The following CRHR2 variants were observed in gnomAD, a reference collection of about 807,000 sequenced individuals.
The protein encoded by CRHR2 is corticotropin-releasing hormone receptor 2.
In CRHR2, 53 loss-of-function variants were observed where a neutral mutation model predicts 57.9. That is an observed-to-expected ratio of 0.92 (90% confidence interval 0.73 to 1.15). The LOEUF (loss-of-function observed/expected upper bound fraction) is 1.15, where lower values mean the gene tolerates loss of function less well. Among genes scored for constraint, CRHR2 ranks in the 50% most tolerant of loss-of-function variants. The probability of loss-of-function intolerance (pLI) is 0.00; values close to 1 mark genes in which losing one functional copy is unlikely to be tolerated. For synonymous variants in CRHR2, 213 were observed against 220.9 expected (o/e 0.96, Z 0.32); for missense variants, 532 against 542.6 (o/e 0.98, Z 0.19).
chr7:30,658,848 AAGTG>A (rs1362391945), intron 8 of CRHR2, among the ~76,000 whole-genome samples: 1 of 152,214 alleles, frequency 6.6e-6, no homozygotes, highest in Non-Finnish European at 1.5e-5. Context: ...AACCAGAAAT[AAGTG>A]AGTGTCTCTT....
At chr7:30,678,724 A>G (rs971045751) in intron 2 of CRHR2, among the ~76,000 whole-genome samples, 1 of 152,080 alleles carries the variant, frequency 6.6e-6, no homozygotes, top group Admixed American at 6.5e-5. Context: ...CTCAAAGTCA[A>G]CACATCCCCA....
At chr7:30,667,105 G>A (rs1188888793) in intron 3 of CRHR2, 123 bp downstream of exon 3, 2 of 797,954 alleles carry the variant, frequency 2.5e-6, no homozygotes, top group Non-Finnish European at 2.1e-6. Flanking sequence ...AGGGGCAGGA[G>A]GTACAGAAGG....
upstream of CRHR2, chr7:30,682,586 G>C (rs1223741052): frequency 3.8e-6 from 4 of 1,042,248 alleles, no homozygotes; most frequent in East Asian, 1.0e-4. Context: ...TCCAGCCCCC[G>C]GGCCCTCCAC....
chr7:30,686,809 G>A (rs1784865505), upstream of CRHR2, among the ~76,000 whole-genome samples: 2 of 152,150 alleles, frequency 1.3e-5, no homozygotes, highest in Non-Finnish European at 2.9e-5. Context: ...GATTTTGCAT[G>A]CGTTGCCTTT....
intron 2 of CRHR2, among the ~76,000 whole-genome samples, chr7:30,679,975 T>G (rs1356055906): frequency 2.6e-5 from 4 of 152,216 alleles, no homozygotes; most frequent in Non-Finnish European, 5.9e-5. Context: ...CAGGCAGCAC[T>G]TTGGTCTAAA....
In CRHR2 at chr7:30,652,841, C is replaced by T. The variant is rs1458410812; in HGVS notation, c.*619G>A. 6.6e-6 allele frequency: 1 copy of T among 152,380 alleles called. No individual in the cohort carries two copies. The highest frequency in any genetic ancestry group is 1.5e-5 in the Non-Finnish European group (1 of 68,162). The allele number at this position is 152,380 out of a possible 1,614,324, so 9.4% of individuals were successfully genotyped here. ...TGGACTAGGCAGAGAAGGGGTCTCC[C>T]AAGAGAGGAAGCCAGGCCTGGAAGC... On this transcript the variant is annotated 3_prime_UTR_variant, in exon 12 of 12. Coordinates refer to ENST00000471646, the MANE Select transcript of CRHR2 (RefSeq NM_001883.5). The surrounding 1 kb of genome is among the most constrained non-coding windows in gnomAD (Gnocchi z 4.4).
rs1385069982 is a variant in CRHR2, at chr7:30,652,588, GA to G, written c.*871del. The G allele has an allele frequency of 6.6e-6, 1 of 152,334 alleles. No homozygotes were observed. Among genetic ancestry groups the G allele is most frequent in the African/African-American group, 2.4e-5 (1 of 41,464 alleles). 9.4% of individuals were successfully genotyped at this position (152,334 alleles called of 1,614,324 possible). ...TGACCTGAGGGGAGGCCACTTCCAAGAGGCATGGTTTATTTCACAGAGAGCA... is the reference window on the plus strand; with the variant it reads ...TGACCTGAGGGGAGGCCACTTCCAAGGGCATGGTTTATTTCACAGAGAGCA... On this transcript the variant is annotated 3_prime_UTR_variant, in exon 12 of 12. Coordinates refer to ENST00000471646, the MANE Select transcript of CRHR2 (RefSeq NM_001883.5). This position sits in a 1 kb window ranked among gnomAD's most constrained non-coding sequence, Gnocchi z 4.4.
intron 6 of CRHR2, 88 bp from the exon 7 acceptor site, chr7:30,662,304 G>C: frequency 6.8e-7 from 1 of 1,479,164 alleles, no homozygotes; most frequent in Admixed American, 1.7e-5. Flanking sequence ...AACAGGGCTA[G>C]GATCATGTTT....
chr7:30,696,464 G>A (rs1330164089), intron 1 of CRHR2, among the ~76,000 whole-genome samples: 1 of 152,186 alleles, frequency 6.6e-6, no homozygotes, highest in East Asian at 1.9e-4. Context: ...GTTCACACCT[G>A]TAATCCCAGC....
chr7:30,654,968 A>C (rs1445244859), intron 11 of CRHR2, 71 bp downstream of exon 11: 3 of 1,584,738 alleles, frequency 1.9e-6, no homozygotes, highest in Non-Finnish European at 2.6e-6. Flanking sequence ...GGGCAGCACC[A>C]ATGGAGCTGC....
At chr7:30,660,543 GC>G in intron 8 of CRHR2, 29 bp downstream of exon 8, 2 of 1,551,282 alleles carry the variant, frequency 1.3e-6, no homozygotes, top group Non-Finnish European at 8.7e-7. Context: ...TTGGCACCCA[GC>G]CCCATCCCAG....
At position 30,688,461 on chromosome 7, in the gene CRHR2, G is replaced by A. The variant is rs182568065; in HGVS notation, c.-167+730C>T. Among the ~76,000 whole-genome samples the A allele has an allele frequency of 8.7e-4, 132 of 152,324 alleles. 2 individuals are homozygous for A. Among genetic ancestry groups the A allele is most frequent in the African/African-American group, 2.9e-3 (121 of 41,580 alleles). ...CTTGGATCTACCTGATCCCAACACC[G>A]GAGCTATTGACTGCCCCAGTGGAAG... is the stretch of plus-strand genomic sequence containing the variant. On this transcript the variant is annotated intron_variant, in intron 2 of 13. Transcript: ENST00000341843.
chr7:30,688,567 C>G (rs897361262), intron 2 of CRHR2, among the ~76,000 whole-genome samples: 1 of 152,226 alleles, frequency 6.6e-6, no homozygotes, highest in African/African-American at 2.4e-5. Flanking sequence ...GGCCAGCACC[C>G]TTGTCTCCTT....
intron 1 of CRHR2, among the ~76,000 whole-genome samples, chr7:30,692,117 A>T (rs557114068): frequency 6.6e-6 from 1 of 152,156 alleles, no homozygotes; most frequent in Admixed American, 6.5e-5. Flanking sequence ...ATCCCACAGG[A>T]TTTTGTGTGC....
At chr7:30,676,134 C>T (rs900226181) in intron 2 of CRHR2, among the ~76,000 whole-genome samples, 3 of 152,220 alleles carry the variant, frequency 2.0e-5, no homozygotes, top group African/African-American at 7.2e-5. Context: ...CCAGTCATTT[C>T]CTACCCTTAA....
In CRHR2 at chr7:30,665,179, C is replaced by G; in HGVS notation, c.434G>C (p.Arg145Pro). 1 of 1,613,842 alleles carries G rather than the reference C, an allele frequency of 6.2e-7. No homozygotes were observed. Among genetic ancestry groups the G allele is most frequent in the South Asian group, 1.1e-5 (1 of 91,066 alleles). ...CCAGTGAATCACATTCCGCAGACAG[C>G]GAATGCTCCTGTGGGAGGTGCAGGT... ...FLLFLALRSIRCLRNVIHWNL... is the reference protein window; with the variant it reads ...FLLFLALRSIPCLRNVIHWNL... Residue 145 changes from arginine (R) to proline (P), a missense_variant, in exon 5 of 12, where the codon CGC becomes CCC. Coordinates refer to ENST00000471646, the MANE Select transcript of CRHR2 (RefSeq NM_001883.5). The surrounding 1 kb of genome is among the most constrained non-coding windows in gnomAD (Gnocchi z 4.5).
Position 30,655,631 on chromosome 7 carries a change from G to A in CRHR2, c.1002C>T (p.Asp334=). The A allele has an allele frequency of 1.2e-6, 2 of 1,614,174 alleles. No individual in the cohort carries two copies. The highest frequency in any genetic ancestry group is 1.7e-6 in the Non-Finnish European group (2 of 1,179,988). ...MLFFVNPGED[D]LSQIMFIYFN... is the part of the protein sequence containing the mutation. ...AATAGATGAACATGATCTGTGACAG[G>A]TCGTCCTCCCCGGGATTGACGAAGA... The change falls in exon 10 of 12, where the codon GAC becomes GAT. Residue 334 remains aspartate, a synonymous_variant. Transcript: ENST00000471646.
intron 2 of CRHR2, among the ~76,000 whole-genome samples, chr7:30,688,517 G>C (rs1188430652): frequency 1.3e-5 from 2 of 152,214 alleles, no homozygotes; most frequent in East Asian, 3.8e-4. Flanking sequence ...TCTCTTTGAC[G>C]CCTGGCTTGG....
In CRHR2 at chr7:30,682,263, G is replaced by A. The variant is rs1784742104; in HGVS notation, c.18C>T (p.Leu6=). The A allele has an allele frequency of 6.3e-7, 1 of 1,582,202 alleles. No homozygotes were observed. The highest frequency in any genetic ancestry group is 8.5e-7 in the Non-Finnish European group (1 of 1,171,592). ...TGCAGTTGGCCTCCAGCAGGCTGTG[G>A]AGCAGTGCCGCGTCCATCGCGTCCC... is the stretch of plus-strand genomic sequence containing the variant. MDAAL[L]HSLLEANCSL... The change falls in exon 1 of 12, where the codon CTC becomes CTT. Residue 6 remains leucine, a synonymous_variant. Transcript: ENST00000471646.
Sources: gnomAD v4.1 joint callset for allele counts (sites outside exome capture counted in the v4.1 genomes callset) on GRCh38, gnomAD v4.1.1 for gene constraint, Gnocchi (gnomAD v3.1) non-coding constraint, MANE v1.5 for transcripts, NCBI Gene and HGNC (gene_info 2026-07-23, HGNC 2026-07-21) for gene names.